Variants in PLEKHG4B observed in about 807,000 individuals in gnomAD.
PLEKHG4B encodes pleckstrin homology and RhoGEF domain containing G4B, also known as pleckstrin homology domain-containing family G member 4B.
A neutral mutation model predicts 121.3 loss-of-function variants in PLEKHG4B; 111 were observed. The ratio of observed to expected loss-of-function variants is 0.92; its 90% CI spans 0.78 to 1.07. The LOEUF is 1.07. Among genes scored for constraint, PLEKHG4B ranks in the 50% least tolerant of loss-of-function variants. The probability of loss-of-function intolerance (pLI) is 0.00; values close to 1 mark genes in which losing one functional copy is unlikely to be tolerated. For synonymous variants in PLEKHG4B, 738 were observed against 725.0 expected (o/e 1.02, Z -0.29); for missense variants, 1,831 against 1,757.8 (o/e 1.04, Z -0.74).
At chr5:141,977 C>T (rs540235614) in intron 3 of PLEKHG4B, among the ~76,000 whole-genome samples, 7 of 152,342 alleles carry the variant, frequency 4.6e-5, no homozygotes, top group East Asian at 1.9e-4. Context: ...CCCTTGGAAA[C>T]AGAAGTGTGG....
Position 144,408 on chromosome 5 carries a change from C to G in PLEKHG4B, c.1812-419C>G, listed in dbSNP as rs548495347. Among the ~76,000 whole-genome samples, 379 of 152,334 alleles carry G rather than the reference C, an allele frequency of 2.5e-3. 3 individuals are homozygous for G. The highest frequency in any genetic ancestry group is 8.8e-3 in the African/African-American group (364 of 41,564). On this transcript the variant is annotated intron_variant, in intron 5 of 19. Coordinates refer to ENST00000637938, the MANE Select transcript of PLEKHG4B (RefSeq NM_052909.5). ...ATAAGTAAGGACCCTCCTGACTGAT[C>G]TCAAGCTTCCATCTTGGGAACAGGC...
chr5:130,997 T>C (rs1045252729), intron 2 of PLEKHG4B, among the ~76,000 whole-genome samples: 1 of 152,242 alleles, frequency 6.6e-6, no homozygotes, highest in Non-Finnish European at 1.5e-5. Flanking sequence ...TTTCAAAGCC[T>C]TGATGTACAT....
At position 156,179 on chromosome 5, in the gene PLEKHG4B, A is replaced by G; in HGVS notation, c.2317A>G (p.Arg773Gly). 6.4e-7 allele frequency: 1 copy of G among 1,569,376 alleles called. No homozygotes were observed. Among genetic ancestry groups the G allele is most frequent in the Non-Finnish European group, 8.6e-7 (1 of 1,157,398 alleles). ...LEGGTVLARL[R>G]REELGTEDSR... ...GGGGGGCACCGTCCTGGCGCGGCTG[A>G]GGAGAGAAGAGCTTGGCACAGAAGA... Residue 773 changes from arginine (R) to glycine (G), a missense_variant, in exon 10 of 20, where the codon AGG becomes GGG. By Grantham distance (125) the Arg-to-Gly change is moderately radical. Transcript: ENST00000637938. This position sits in a 1 kb window ranked among gnomAD's most constrained non-coding sequence, Gnocchi z 4.4.
intron 1 of PLEKHG4B, among the ~76,000 whole-genome samples, chr5:106,948 C>T (rs187549261): frequency 6.6e-6 from 1 of 152,240 alleles, no homozygotes; most frequent in Non-Finnish European, 1.5e-5. Flanking sequence ...TGTGTGCCCA[C>T]ATGTGGAGAC....
Position 159,838 on chromosome 5 carries a change from C to G in PLEKHG4B, c.2488-1945C>G, listed in dbSNP as rs1219024695. Among the ~76,000 whole-genome samples the G allele has an allele frequency of 6.6e-6, 1 of 152,190 alleles. No individual in the cohort carries two copies. The highest frequency in any genetic ancestry group is 1.5e-5 in the Non-Finnish European group (1 of 68,036). ...CAGCTCCTTCCCTCCGACACTCCCT[C>G]ACCCTGTCCTGTGGAGTCTCGGGAC... On this transcript the variant is annotated intron_variant, in intron 11 of 19. Coordinates refer to ENST00000637938, the MANE Select transcript of PLEKHG4B (RefSeq NM_052909.5). The surrounding 1 kb of genome is among the most constrained non-coding windows in gnomAD (Gnocchi z 5.5).
In PLEKHG4B at chr5:161,643, G is replaced by A. The variant is rs142711650; in HGVS notation, c.2488-140G>A. 468 of 1,040,338 alleles carry A rather than the reference G, an allele frequency of 4.5e-4. 1 individual carries two copies. In the East Asian group the frequency reaches 0.01, roughly 23 times the overall value. 64.4% of individuals were successfully genotyped at this position (1,040,338 alleles called of 1,614,324 possible). On this transcript the variant is annotated intron_variant, in intron 11 of 19. Coordinates refer to ENST00000637938, the MANE Select transcript of PLEKHG4B (RefSeq NM_052909.5). ...CCTCGGTCCTTTGGTGCCTGCTCTC[G>A]AGAATGAGAGGCAGCAGCAGGCAGC...
rs536010984 is a variant in PLEKHG4B, at chr5:137,822, G to C, written c.244-1661G>C. Reference sequence around the variant, plus strand: ...GGGACGGACTCTGGGGGCCAGGCTCGGGGAGGCCCTTATGGACCGGCAGGT... The same window carrying C: ...GGGACGGACTCTGGGGGCCAGGCTCCGGGAGGCCCTTATGGACCGGCAGGT... On this transcript the variant is annotated intron_variant, in intron 2 of 19. Coordinates refer to ENST00000637938, the MANE Select transcript of PLEKHG4B (RefSeq NM_052909.5). The surrounding 1 kb of genome is among the most constrained non-coding windows in gnomAD (Gnocchi z 4.2). Among the ~76,000 whole-genome samples the C allele has an allele frequency of 5.9e-5, 9 of 152,330 alleles. No individual in the cohort carries two copies. The highest frequency in any genetic ancestry group is 7.4e-5 in the Non-Finnish European group (5 of 68,022).
rs1262808588 is a variant in PLEKHG4B at position 151,572 on chromosome 5, T to C, written c.1965T>C (p.Phe655=). 1 of 1,591,984 alleles carries C rather than the reference T, an allele frequency of 6.3e-7. No individual in the cohort carries two copies. Among genetic ancestry groups the C allele is most frequent in the Non-Finnish European group, 8.6e-7 (1 of 1,160,948 alleles). Reference sequence around the variant, plus strand: ...TGTTGGTAGATAAAGAATCTGCATTTAGGCCTGACAAGGATGCAATAATTC... The same window carrying C: ...TGTTGGTAGATAAAGAATCTGCATTCAGGCCTGACAAGGATGCAATAATTC... The part of the protein sequence containing the change: ...ILLLVDKESA[F]RPDKDAIIQC... The change falls in exon 7 of 20, where the codon TTT becomes TTC. Residue 655 remains phenylalanine (F), a synonymous_variant. Transcript: ENST00000637938.
chr5:145,219 G>A (rs765660585), intron 6 of PLEKHG4B, among the ~76,000 whole-genome samples: 39 of 152,234 alleles, frequency 2.6e-4, no homozygotes, highest in African/African-American at 5.1e-4. Context: ...AGCCAGGCCC[G>A]GGTGGTGGGC....
intron 9 of PLEKHG4B, among the ~76,000 whole-genome samples, chr5:155,857 T>G (rs1020426634): frequency 4.6e-5 from 7 of 152,042 alleles, no homozygotes; most frequent in African/African-American, 1.7e-4. Flanking sequence ...ACAGCTGAGC[T>G]TTGAGCCCCC....
chr5:97,086 A>G (rs139901098), intron 1 of PLEKHG4B, among the ~76,000 whole-genome samples: 2,445 of 144,772 alleles, frequency 0.017, 75 homozygotes, highest in African/African-American at 0.06. Context: ...GCTCCAGATG[A>G]TTTTCCTCAT....
intron 2 of PLEKHG4B, among the ~76,000 whole-genome samples, chr5:127,293 T>C (rs1734646552): frequency 6.6e-6 from 1 of 151,210 alleles, no homozygotes; most frequent in Non-Finnish European, 1.5e-5. Flanking sequence ...ACTATCTGCC[T>C]AATTTCTTCT....
In PLEKHG4B at chr5:184,160, A is replaced by C. The variant is rs1302289504; in HGVS notation, c.*1837A>C. On this transcript the variant is annotated 3_prime_UTR_variant, in exon 20 of 20. Transcript: ENST00000637938. ...CTAGTGTGCCCAGTCCGAGTCCTAA[A>C]GCCTCAGAGCCAGGGAAGCCAGTGG... 1 of 152,212 alleles carries C rather than the reference A, an allele frequency of 6.6e-6. No homozygotes were observed. The highest frequency in any genetic ancestry group is 1.5e-5 in the Non-Finnish European group (1 of 68,052). The allele number at this position is 152,212 out of a possible 1,614,324, so 9.4% of individuals were successfully genotyped here. A position where few individuals can be genotyped will look rare whatever the true frequency, so the allele number is the denominator to read the frequency against.
intron 13 of PLEKHG4B, among the ~76,000 whole-genome samples, chr5:166,174 G>A (rs1579316913): frequency 8.1e-5 from 1 of 12,312 alleles, no homozygotes; most frequent in African/African-American, 4.4e-4. Flanking sequence ...ATCCTCTGAC[G>A]GGGCGGAGCT....
intron 1 of PLEKHG4B, among the ~76,000 whole-genome samples, chr5:97,646 T>TTGTGAGGTTAATCCATACAAAGCCCTGGA (rs1733668689): frequency 6.6e-6 from 1 of 151,832 alleles, no homozygotes; most frequent in African/African-American, 2.4e-5. Context: ...TTCATGGCTG[T>TTGTGAGGTTAATCCATACAAAGCCCTGGA]ATAACTCTCC....
At chr5:169,236 C>T in intron 13 of PLEKHG4B, 104 bp from the exon 14 acceptor site, 1 of 1,488,836 alleles carries the variant, frequency 6.7e-7, no homozygotes, top group Admixed American at 1.9e-5. Flanking sequence ...TGTGACCCTG[C>T]TCATCCCTCC....
chr5:121,198 G>A (rs774435912), intron 2 of PLEKHG4B, among the ~76,000 whole-genome samples: 1 of 151,552 alleles, frequency 6.6e-6, no homozygotes, highest in African/African-American at 2.4e-5. Flanking sequence ...AGTGAGCCGA[G>A]ATCGTGCCAC....
intron 13 of PLEKHG4B, among the ~76,000 whole-genome samples, chr5:164,266 T>G (rs1014392952): frequency 6.6e-6 from 1 of 152,254 alleles, no homozygotes; most frequent in Non-Finnish European, 1.5e-5. Flanking sequence ...ACTGCTCCAC[T>G]TCAGCTCACC....
chr5:129,466 C>A (rs1734713361), intron 2 of PLEKHG4B, among the ~76,000 whole-genome samples: 1 of 151,726 alleles, frequency 6.6e-6, no homozygotes, highest in African/African-American at 2.4e-5. Flanking sequence ...CCAGTATATA[C>A]CTTACATGTA....
Sources: gnomAD v4.1 joint callset for allele counts (sites outside exome capture counted in the v4.1 genomes callset) on GRCh38, gnomAD v4.1.1 for gene constraint, Gnocchi (gnomAD v3.1) non-coding constraint, MANE v1.5 for transcripts, NCBI Gene and HGNC (gene_info 2026-07-23, HGNC 2026-07-21) for gene names.